Variants in FBXL13 observed in about 807,000 individuals in gnomAD.
FBXL13 encodes the protein F-box and leucine-rich repeat protein 13.
In FBXL13, 67 loss-of-function variants were observed where a neutral mutation model predicts 83.6. The ratio of observed to expected loss-of-function variants is 0.80; its 90% CI spans 0.66 to 0.98. The LOEUF (loss-of-function observed/expected upper bound fraction) is 0.98, where lower values mean the gene tolerates loss of function less well. Ranked by LOEUF, FBXL13 falls within the 50% of genes least tolerant of loss-of-function variation. The pLI is 0.00. For missense variants in FBXL13, 822 were observed against 866.5 expected, an observed-to-expected ratio of 0.95 and a Z score of 0.64; for synonymous variants, 272 against 299.5, an observed-to-expected ratio of 0.91 and a Z score of 0.95.
chr7:102,971,098 A>G (rs984195660), intron 6 of FBXL13, among the ~76,000 whole-genome samples: 2 of 152,248 alleles, frequency 1.3e-5, no homozygotes, highest in Non-Finnish European at 2.9e-5. Flanking sequence ...AAGCACAGGA[A>G]GTTCCAAGCA....
intron 6 of FBXL13, chr7:102,976,205 G>A: frequency 1.3e-6 from 1 of 761,002 alleles, no homozygotes; most frequent in Non-Finnish European, 2.4e-6. Flanking sequence ...CTTCATCTGA[G>A]CCAAGGGTAA....
chr7:102,973,688 G>C (rs1412721200), intron 6 of FBXL13: 3 of 766,320 alleles, frequency 3.9e-6, no homozygotes, highest in Non-Finnish European at 7.2e-6. Flanking sequence ...CCAGAAAGCA[G>C]GCCACAGCAG....
In FBXL13 at chr7:102,883,467, C is replaced by T. The variant is rs990857489; in HGVS notation, c.1226G>A (p.Gly409Glu). 1 of 1,603,084 alleles carries T rather than the reference C, an allele frequency of 6.2e-7. No homozygotes were observed. Among genetic ancestry groups the T allele is most frequent in the East Asian group, 2.2e-5 (1 of 44,736 alleles). ...GGATGCATCAGTAACCCTTTTATTT[C>T]CTGTTTTTAAAAAACAGAAGAAAAG... The change falls in exon 14 of 20, where the codon GGA becomes GAA. Residue 409 changes from glycine (G) to glutamate (E), a missense_variant and splice_region_variant. Gly to Glu is a moderately conservative substitution (Grantham distance 98, BLOSUM62 -2). Transcript: ENST00000313221.
intron 14 of FBXL13, among the ~76,000 whole-genome samples, chr7:102,881,574 G>T (rs1810085672): frequency 7.5e-6 from 1 of 133,118 alleles, no homozygotes; most frequent in African/African-American, 3.5e-5. Context: ...GTGTGTGTGT[G>T]TGGGGGGGGT....
At chr7:102,983,624 C>G (rs995615872) in intron 6 of FBXL13, among the ~76,000 whole-genome samples, 3 of 151,792 alleles carry the variant, frequency 2.0e-5, no homozygotes, top group African/African-American at 7.3e-5. Context: ...TTCACCATGT[C>G]GGCCGGGGCT....
intron 6 of FBXL13, among the ~76,000 whole-genome samples, chr7:102,987,182 A>T (rs1050505545): frequency 6.6e-6 from 1 of 152,034 alleles, no homozygotes; most frequent in Admixed American, 6.6e-5. Context: ...AGTGAGGAAT[A>T]AAAAAATAGT....
At chr7:102,913,785 A>G (rs1383504686) in intron 10 of FBXL13, among the ~76,000 whole-genome samples, 1 of 152,252 alleles carries the variant, frequency 6.6e-6, no homozygotes, top group African/African-American at 2.4e-5. Flanking sequence ...TGACAGTTTC[A>G]TTATTATAGT....
chr7:102,998,998 A>C (rs1790110654), intron 6 of FBXL13, among the ~76,000 whole-genome samples: 1 of 151,978 alleles, frequency 6.6e-6, no homozygotes, highest in South Asian at 2.1e-4. Flanking sequence ...CCTTATTCCT[A>C]ATCTTAGAGG....
intron 1 of FBXL13, among the ~76,000 whole-genome samples, chr7:103,062,722 A>C (rs1275492821): frequency 6.6e-6 from 1 of 152,216 alleles, no homozygotes; most frequent in Non-Finnish European, 1.5e-5. Flanking sequence ...ATCAAAAGGT[A>C]TATATTACAG....
intron 8 of FBXL13, among the ~76,000 whole-genome samples, chr7:102,960,560 A>C (rs1563153482): frequency 6.6e-6 from 1 of 151,672 alleles, no homozygotes; most frequent in Non-Finnish European, 1.5e-5. Context: ...AATATCCTTG[A>C]TGAACATTGA....
chr7:102,978,984 G>C (rs1220272477), intron 6 of FBXL13, among the ~76,000 whole-genome samples: 3 of 152,162 alleles, frequency 2.0e-5, no homozygotes, highest in Non-Finnish European at 4.4e-5. Context: ...CCTGTAAAAA[G>C]CACTAGCCTC....
At chr7:103,055,564 G>T in intron 2 of FBXL13, 80 bp downstream of exon 2, 3 of 538,770 alleles carry the variant, frequency 5.6e-6, no homozygotes, top group Non-Finnish European at 8.8e-6. Flanking sequence ...TCATTGGCAA[G>T]ACCTTATTTT....
intron 8 of FBXL13, among the ~76,000 whole-genome samples, chr7:102,942,597 G>C (rs1821670968): frequency 6.6e-6 from 1 of 152,170 alleles, no homozygotes; most frequent in South Asian, 2.1e-4. Flanking sequence ...CTAATGTCTT[G>C]AGAAAAGTAA....
chr7:102,838,864 T>C (rs1251764854), intron 17 of FBXL13, among the ~76,000 whole-genome samples: 3 of 152,196 alleles, frequency 2.0e-5, no homozygotes, highest in Non-Finnish European at 4.4e-5. Context: ...CCCCATGTGA[T>C]AGTCTGAAAT....
At chr7:103,053,404 C>T (rs1248734049) in intron 2 of FBXL13, among the ~76,000 whole-genome samples, 2 of 152,154 alleles carry the variant, frequency 1.3e-5, no homozygotes, top group African/African-American at 2.4e-5. Context: ...CCACCTGCCT[C>T]GGCCTCCCAA....
At chr7:103,035,213 G>A (rs913463785) in intron 2 of FBXL13, among the ~76,000 whole-genome samples, 10 of 152,220 alleles carry the variant, frequency 6.6e-5, no homozygotes, top group Non-Finnish European at 1.3e-4. Context: ...GGGCTCTTAG[G>A]AAGACCAGGT....
intron 17 of FBXL13, among the ~76,000 whole-genome samples, chr7:102,847,336 C>T (rs1055520368): frequency 6.6e-6 from 1 of 152,100 alleles, no homozygotes; most frequent in Non-Finnish European, 1.5e-5. Flanking sequence ...ATGTAAGAGG[C>T]AGAATTGGAA....
chr7:103,003,277 G>GTTTT (rs1239422520), intron 6 of FBXL13, among the ~76,000 whole-genome samples: 1 of 119,482 alleles, frequency 8.4e-6, no homozygotes, highest in Non-Finnish European at 1.7e-5. Context: ...GTTGTTTTGG[G>GTTTT]GTTTTTTTTT....
intron 8 of FBXL13, among the ~76,000 whole-genome samples, chr7:102,943,859 C>T (rs551370969): frequency 3.3e-5 from 5 of 152,296 alleles, no homozygotes; most frequent in Admixed American, 3.3e-4. Flanking sequence ...TTTCTGTCTT[C>T]ATGACAGGAG....
Sources: allele counts gnomAD v4.1 joint callset (sites outside exome capture counted in the v4.1 genomes callset), GRCh38; gene constraint gnomAD v4.1.1; transcripts MANE v1.5; gene names NCBI Gene and HGNC (gene_info 2026-07-23, HGNC 2026-07-21).